The following COL26A1 variants were observed in gnomAD, a reference collection of about 807,000 sequenced individuals.
COL26A1 encodes the protein collagen type XXVI alpha 1 chain.
Under a neutral mutation model 59.3 loss-of-function variants are expected in COL26A1, and 41 were observed. The observed-to-expected ratio is 0.69, with a 90% CI of 0.54 to 0.90. COL26A1 has a LOEUF of 0.90. Among genes scored for constraint, COL26A1 ranks in the 40% least tolerant of loss-of-function variants. The probability of loss-of-function intolerance (pLI) is 0.00; values close to 1 mark genes in which losing one functional copy is unlikely to be tolerated. For missense variants in COL26A1, 612 were observed against 602.3 expected (o/e 1.02, Z -0.17); for synonymous variants, 266 against 256.0 (o/e 1.04, Z -0.37).
intron 10 of COL26A1, among the ~76,000 whole-genome samples, chr7:101,552,776 G>A (rs1479715286): frequency 2.6e-5 from 4 of 152,112 alleles, no homozygotes; most frequent in Admixed American, 6.5e-5. Context: ...ACATGGTGGC[G>A]CATGCCTGTA....
At chr7:101,510,705 G>C (rs1794903210) in intron 3 of COL26A1, among the ~76,000 whole-genome samples, 4 of 151,636 alleles carry the variant, frequency 2.6e-5, no homozygotes, top group Admixed American at 2.6e-4. Flanking sequence ...AATGAGGCTG[G>C]GAGGGGGTCT....
intron 3 of COL26A1, among the ~76,000 whole-genome samples, chr7:101,475,764 TTCTC>T (rs1270639351): frequency 8.8e-6 from 1 of 113,576 alleles, no homozygotes; most frequent in Non-Finnish European, 1.9e-5. Context: ...TTTTCTTTCT[TTCTC>T]TTTCTTTCTT....
intron 3 of COL26A1, among the ~76,000 whole-genome samples, chr7:101,529,043 G>A (rs1423306596): frequency 6.6e-6 from 1 of 151,984 alleles, no homozygotes; most frequent in Non-Finnish European, 1.5e-5. Flanking sequence ...GCACGTGACT[G>A]TAGTCCCAGC....
At chr7:101,522,843 T>C (rs1442763916) in intron 3 of COL26A1, among the ~76,000 whole-genome samples, 4 of 151,712 alleles carry the variant, frequency 2.6e-5, no homozygotes, top group Admixed American at 1.3e-4. Context: ...AAAGAGTAAC[T>C]GTTAGTCTTT....
chr7:101,523,800 G>T (rs1795185603), intron 3 of COL26A1, among the ~76,000 whole-genome samples: 1 of 151,568 alleles, frequency 6.6e-6, no homozygotes, highest in African/African-American at 2.4e-5. Flanking sequence ...TTTTACTTTT[G>T]TTCTTCTTCA....
chr7:101,502,986 C>T (rs1006636315), intron 3 of COL26A1, among the ~76,000 whole-genome samples: 2 of 152,170 alleles, frequency 1.3e-5, no homozygotes, highest in African/African-American at 4.8e-5. Flanking sequence ...GTGAGCTGCC[C>T]AGTCCCTCTG....
At position 101,403,136 on chromosome 7, in the gene COL26A1, G is replaced by A. The variant is rs531551407; in HGVS notation, c.159-16841G>A. ...TGGGATTACAGTCATGAGCCACTGCGTGTGGCCGGCAAAGTCTTAATAATT... is the reference window on the plus strand; with the variant it reads ...TGGGATTACAGTCATGAGCCACTGCATGTGGCCGGCAAAGTCTTAATAATT... On this transcript the variant is annotated intron_variant, in intron 1 of 12. Coordinates refer to ENST00000313669, the MANE Select transcript of COL26A1 (RefSeq NM_001278563.3). 9.2e-5 allele frequency among the ~76,000 whole-genome samples: 14 copies of A among 152,160 alleles called. No individual in the cohort carries two copies. In the East Asian group the frequency reaches 2.5e-3, roughly 27 times the overall value.
intron 1 of COL26A1, among the ~76,000 whole-genome samples, chr7:101,407,850 A>G (rs1267177272): frequency 2.6e-5 from 4 of 152,064 alleles, no homozygotes; most frequent in African/African-American, 9.7e-5. Context: ...GGAAGTTACC[A>G]CTTAATCATA....
At chr7:101,403,041 G>A (rs571999703) in intron 1 of COL26A1, among the ~76,000 whole-genome samples, 1 of 151,720 alleles carries the variant, frequency 6.6e-6, no homozygotes, top group Admixed American at 6.6e-5. Flanking sequence ...ATGGGGTCTC[G>A]CTGTATTGCC....
chr7:101,471,019 CCA>C (rs757347750), intron 3 of COL26A1, among the ~76,000 whole-genome samples: 35 of 152,008 alleles, frequency 2.3e-4, no homozygotes, highest in East Asian at 1.9e-3. Context: ...CTTAGGGGCT[CCA>C]CGCTAGCAAT....
intron 6 of COL26A1, 100 bp from the exon 7 acceptor site, chr7:101,545,238 C>A: frequency 8.6e-7 from 1 of 1,162,116 alleles, no homozygotes; most frequent in Non-Finnish European, 1.2e-6. Flanking sequence ...GGGCCCCTGA[C>A]CAACCCTGTT....
chr7:101,387,768 A>ATTTTTTTTTTTT (rs1194001209), intron 1 of COL26A1, among the ~76,000 whole-genome samples: 18 of 36,486 alleles, frequency 4.9e-4, no homozygotes, highest in Non-Finnish European at 1.1e-3. Flanking sequence ...ATATATATAT[A>ATTTTTTTTTTTT]TATATATATA....
At chr7:101,495,208 A>G (rs1794555577) in intron 3 of COL26A1, among the ~76,000 whole-genome samples, 1 of 152,132 alleles carries the variant, frequency 6.6e-6, no homozygotes, top group African/African-American at 2.4e-5. Flanking sequence ...ACAGGGCTAG[A>G]GCTTTATCTG....
chr7:101,555,711 C>T (rs1195219693), intron 11 of COL26A1, 76 bp from the exon 12 acceptor site: 5 of 1,091,630 alleles, frequency 4.6e-6, no homozygotes, highest in South Asian at 1.4e-5. Context: ...AGGACACATA[C>T]ACTGTCACTG....
At chr7:101,463,625 CT>C (rs1793668711) in intron 3 of COL26A1, among the ~76,000 whole-genome samples, 1 of 79,090 alleles carries the variant, frequency 1.3e-5, no homozygotes, top group African/African-American at 1.1e-4. Context: ...CTCCCTCCCC[CT>C]CTTCCTTCCT....
chr7:101,475,858 T>TTTTCTCTCTCTTTCTTTCTC (rs1295381893), intron 3 of COL26A1, among the ~76,000 whole-genome samples: 23 of 133,388 alleles, frequency 1.7e-4, no homozygotes, highest in Non-Finnish European at 2.9e-4. Flanking sequence ...CTCTCTCTCT[T>TTTTCTCTCTCTTTCTTTCTC]TTTCTCTCTC....
rs1421413557 is a variant in COL26A1 at position 101,510,907 on chromosome 7, T to C, written c.386-22175T>C. Among the ~76,000 whole-genome samples the C allele has an allele frequency of 3.4e-5, 5 of 146,996 alleles. No homozygotes were observed. The South Asian group carries it at 8.7e-4, about 26-fold the overall frequency. ...TTCTTTTTCTTTCTTTCTTTTTTTT[T>C]TTTTTTTTTTTGAGACGGAGTCTCG... On this transcript the variant is annotated intron_variant, in intron 3 of 12. Coordinates refer to ENST00000313669, the MANE Select transcript of COL26A1 (RefSeq NM_001278563.3).
chr7:101,469,036 T>C (rs1793831934), intron 3 of COL26A1, among the ~76,000 whole-genome samples: 1 of 152,196 alleles, frequency 6.6e-6, no homozygotes. Context: ...TTCCATCTCC[T>C]GATCTTCTAT....
chr7:101,551,237 G>GGGGGGGGGGGGGGGGGGGGCC, intron 10 of COL26A1, 94 bp downstream of exon 10: 1 of 386,362 alleles, frequency 2.6e-6, no homozygotes, highest in Non-Finnish European at 5.0e-6. Flanking sequence ...TGGTGGGGGG[G>GGGGGGGGGGGGGGGGGGGGCC]TTCAGCCCTG....
Sources: allele counts gnomAD v4.1 joint callset (sites outside exome capture counted in the v4.1 genomes callset), GRCh38; gene constraint gnomAD v4.1.1; transcripts MANE v1.5; gene names NCBI Gene and HGNC (gene_info 2026-07-23, HGNC 2026-07-21).